BAZ2B: variants seen among roughly 807,000 people sequenced by gnomAD.
BAZ2B encodes the protein bromodomain adjacent to zinc finger domain 2B, also known as bromodomain adjacent to zinc finger domain protein 2B.
BAZ2B carries 91 observed loss-of-function variants against 246.0 expected under a neutral mutation model. That is an observed-to-expected ratio of 0.37 (90% CI 0.31 to 0.44). The LOEUF (loss-of-function observed/expected upper bound fraction) is 0.44. BAZ2B is among the 20% of genes least tolerant of loss of function. The probability of loss-of-function intolerance (pLI) is 1.00; values close to 1 mark genes in which losing one functional copy is unlikely to be tolerated. For synonymous variants in BAZ2B, 855 were observed against 860.0 expected (o/e 0.99, Z 0.10); for missense variants, 2,332 against 2,533.7 (o/e 0.92, Z 1.71).
the BAZ2B span, among the ~76,000 whole-genome samples, chr2:159,631,605 A>T: frequency 6.6e-6 from 1 of 152,340 alleles, no homozygotes; most frequent in East Asian, 1.9e-4. Context: ...GAAGGGTCCA[A>T]TATAAGGTGG....
At chr2:159,412,911 T>C (rs2067053863) in intron 13 of BAZ2B, among the ~76,000 whole-genome samples, 1 of 152,208 alleles carries the variant, frequency 6.6e-6, no homozygotes, top group African/African-American at 2.4e-5. Flanking sequence ...TTATGGGTTA[T>C]CAGTTAAACC....
At chr2:159,414,845 C>CAT (rs1053846935) in intron 13 of BAZ2B, among the ~76,000 whole-genome samples, 5 of 150,826 alleles carry the variant, frequency 3.3e-5, no homozygotes, top group African/African-American at 9.8e-5. Context: ...TCATGTACCC[C>CAT]ATATATATAT....
At chr2:159,362,201 AG>A (rs1422901076) in intron 27 of BAZ2B, among the ~76,000 whole-genome samples, 4 of 152,072 alleles carry the variant, frequency 2.6e-5, no homozygotes, top group African/African-American at 9.7e-5. Flanking sequence ...GGAAGGCCAT[AG>A]GGGCTTTCTT....
chr2:159,323,289 T>G, intron 36 of BAZ2B, among the ~76,000 whole-genome samples: 1 of 151,990 alleles, frequency 6.6e-6, no homozygotes, highest in African/African-American at 2.4e-5. Flanking sequence ...CTGGCCCATA[T>G]GATTTTGTAG....
At chr2:159,455,625 T>C (rs969895973) in intron 3 of BAZ2B, among the ~76,000 whole-genome samples, 2 of 152,056 alleles carry the variant, frequency 1.3e-5, no homozygotes, top group Admixed American at 6.5e-5. Flanking sequence ...TTTTGTTGAA[T>C]TGGTTCTTCT....
At chr2:159,355,803 G>A (rs972214704) in intron 27 of BAZ2B, among the ~76,000 whole-genome samples, 3 of 152,116 alleles carry the variant, frequency 2.0e-5, no homozygotes, top group African/African-American at 4.8e-5. Flanking sequence ...TCATCTCATC[G>A]GGACTGGTTA....
At chr2:159,700,969 T>C in the BAZ2B span, among the ~76,000 whole-genome samples, 3 of 152,220 alleles carry the variant, frequency 2.0e-5, no homozygotes, top group Admixed American at 1.3e-4. Flanking sequence ...ATTAAATTCC[T>C]AGTTGTTACA....
the BAZ2B span, among the ~76,000 whole-genome samples, chr2:159,628,136 A>C: frequency 1.3e-5 from 2 of 152,212 alleles, no homozygotes; most frequent in African/African-American, 4.8e-5. Flanking sequence ...CTCTTCAAGG[A>C]GAACTACAAA....
chr2:159,446,917 A>T lies in BAZ2B; in HGVS notation c.561T>A (p.Ser187=). ...AACTTGAAGCAGTAGTGGATAGTAC[A>T]GATGTGTTGATACCAATTACAGATG... is the stretch of plus-strand genomic sequence containing the variant. ...NTSSVIGINT[S]VLSTTASSSM... is the part of the protein sequence containing the mutation. Residue 187 remains serine, a synonymous_variant, in exon 6 of 37, where the codon TCT becomes TCA. Transcript: ENST00000392783. 1 of 1,609,014 alleles carries T rather than the reference A, an allele frequency of 6.2e-7. No homozygotes were observed.
At chr2:159,482,956 C>T (rs1337314087) in intron 2 of BAZ2B, among the ~76,000 whole-genome samples, 2 of 152,164 alleles carry the variant, frequency 1.3e-5, no homozygotes, top group South Asian at 2.1e-4. Flanking sequence ...CTGACACCTA[C>T]GCTCCTATAA....
chr2:159,448,246 T>A lies in BAZ2B; in HGVS notation c.498A>T (p.Glu166Asp), dbSNP rs1275623580. 1.9e-6 allele frequency: 3 copies of A among 1,611,858 alleles called. No individual in the cohort carries two copies. The African/African-American group carries it at 4.0e-5, about 22-fold the overall frequency. The change falls in exon 5 of 37, where the codon GAA (glutamate) becomes GAT (aspartate). Residue 166 changes from glutamate to aspartate, a missense_variant. Around this residue, in one of 9 missense-constraint regions of BAZ2B, gnomAD observed 242 missense variants for 237.4 expected, o/e 1.02. Transcript: ENST00000392783. ...TSGKSNRNGP[E>D]KGVNGSINGS... is the part of the protein sequence containing the mutation. ...CACTTATGTAAATGTGGATACCTTT[T>A]TCGGGACCATTTCGATTACTTTTTC...
chr2:159,388,883 A>G (rs1228800375), intron 21 of BAZ2B, among the ~76,000 whole-genome samples: 1 of 152,046 alleles, frequency 6.6e-6, no homozygotes, highest in Non-Finnish European at 1.5e-5. Context: ...CCAGGACAAC[A>G]TAAGAGTCTG....
At chr2:159,681,683 C>T in the BAZ2B span, among the ~76,000 whole-genome samples, 1 of 152,158 alleles carries the variant, frequency 6.6e-6, no homozygotes. Context: ...GTAATCCCAG[C>T]ACTTTGGGAG....
In BAZ2B at chr2:159,400,657, AT is replaced by A; in HGVS notation, c.2839del (p.Ile947LeufsTer19). 2 of 1,562,558 alleles carry A rather than the reference AT, an allele frequency of 1.3e-6. No individual in the cohort carries two copies. Among genetic ancestry groups the A allele is most frequent in the Non-Finnish European group, 1.8e-6 (2 of 1,140,830 alleles). On this transcript the variant is annotated frameshift_variant, in exon 17 of 37. Transcript: ENST00000392783. LOFTEE classifies it high-confidence loss of function. ...QIKIMKQQEK[I>X]KRIQQIRMEK... ...CATTCTGATTTGCTGTATTCTCTTA[AT>A]TTTTTCCTGTAGGAAAAGTTATGAT...
chr2:159,569,297 A>G (rs528960629), intron 1 of BAZ2B, among the ~76,000 whole-genome samples: 2 of 152,260 alleles, frequency 1.3e-5, no homozygotes, highest in South Asian at 2.1e-4. Flanking sequence ...TTATGACATG[A>G]GCTATTCAAG....
chr2:159,368,082 C>T (rs1234358576), intron 27 of BAZ2B, among the ~76,000 whole-genome samples: 4 of 152,146 alleles, frequency 2.6e-5, no homozygotes, highest in Non-Finnish European at 5.9e-5. Flanking sequence ...CGTGCTGTAT[C>T]TTTCCAATTA....
the BAZ2B span, among the ~76,000 whole-genome samples, chr2:159,638,735 G>C: frequency 6.6e-6 from 1 of 151,948 alleles, no homozygotes; most frequent in Non-Finnish European, 1.5e-5. Context: ...AAAATACAAT[G>C]AGGCATGCCT....
chr2:159,635,685 T>C, the BAZ2B span, among the ~76,000 whole-genome samples: 1 of 152,100 alleles, frequency 6.6e-6, no homozygotes, highest in Non-Finnish European at 1.5e-5. Flanking sequence ...TTTTTAGGTA[T>C]CATAGGAGGA....
At chr2:159,361,392 C>T (rs777150395) in intron 27 of BAZ2B, among the ~76,000 whole-genome samples, 1 of 152,044 alleles carries the variant, frequency 6.6e-6, no homozygotes, top group Non-Finnish European at 1.5e-5. Flanking sequence ...AAATCAAAAC[C>T]ACAATGAGAT....
Sources: allele counts gnomAD v4.1 joint callset (sites outside exome capture counted in the v4.1 genomes callset), GRCh38; gene constraint gnomAD v4.1.1; regional missense constraint gnomAD v4.1.1; transcripts MANE v1.5; gene names NCBI Gene and HGNC (gene_info 2026-07-23, HGNC 2026-07-21).